Variants in SLC2A9 observed in about 807,000 individuals in gnomAD.
The protein encoded by SLC2A9 is solute carrier family 2 member 9.
SLC2A9 carries 39 observed loss-of-function variants against 50.6 expected under a neutral mutation model. The ratio of observed to expected loss-of-function variants is 0.77; its 90% CI spans 0.60 to 1.01. The LOEUF (loss-of-function observed/expected upper bound fraction) is 1.01. SLC2A9 is among the 50% of genes least tolerant of loss of function. The pLI is 0.00. For synonymous variants in SLC2A9, 324 were observed against 276.9 expected (o/e 1.17, Z -1.69); for missense variants, 686 against 677.6 (o/e 1.01, Z -0.14).
At chr4:9,987,766 T>G (rs1756987463) in intron 3 of SLC2A9, among the ~76,000 whole-genome samples, 1 of 151,936 alleles carries the variant, frequency 6.6e-6, no homozygotes, top group South Asian at 2.1e-4. Flanking sequence ...AGGCAGAGAT[T>G]GCAGTGAGCC....
intron 5 of SLC2A9, among the ~76,000 whole-genome samples, chr4:9,960,719 G>T (rs984393400): frequency 1.3e-5 from 2 of 152,180 alleles, no homozygotes; most frequent in African/African-American, 4.8e-5. Flanking sequence ...TTTCTTGAAG[G>T]CTGAGTGACA....
rs574625444 is a variant in SLC2A9, at chr4:9,788,950, G to T, written n.386-8885C>A. 2.6e-5 allele frequency among the ~76,000 whole-genome samples: 4 copies of T among 152,262 alleles called. No homozygotes were observed. The East Asian group carries it at 5.8e-4, about 22-fold the overall frequency. On this transcript the variant is annotated intron_variant and non_coding_transcript_variant, in intron 3 of 3. Coordinates refer to the SLC2A9 transcript ENST00000503803. ...GAGAAATCAAGATGTGGGCACTAGG[G>T]TGTTTATTGTTGCTGGGGTGACATT...
downstream of SLC2A9, among the ~76,000 whole-genome samples, chr4:9,775,004 G>A (rs1717360622): frequency 6.6e-6 from 1 of 152,122 alleles, no homozygotes; most frequent in South Asian, 2.1e-4. Flanking sequence ...TGACCCTTGT[G>A]AGACATGCTT....
intron 2 of SLC2A9, among the ~76,000 whole-genome samples, chr4:10,004,968 G>A (rs1307419251): frequency 1.3e-5 from 2 of 152,138 alleles, no homozygotes; most frequent in Non-Finnish European, 2.9e-5. Flanking sequence ...GGGATTCCTT[G>A]TTTTACTTTT....
chr4:9,907,675 G>A (rs1740933851), intron 8 of SLC2A9, among the ~76,000 whole-genome samples: 1 of 152,176 alleles, frequency 6.6e-6, no homozygotes, highest in South Asian at 2.1e-4. Flanking sequence ...GGACAATATG[G>A]CCCTGTTTCA....
chr4:9,878,661 T>C (rs1422041168), intron 10 of SLC2A9, among the ~76,000 whole-genome samples: 2 of 152,004 alleles, frequency 1.3e-5, no homozygotes, highest in African/African-American at 2.4e-5. Flanking sequence ...CTTTCCTGAG[T>C]TCTGGGAGTC....
chr4:9,929,278 G>C (rs1745461055), intron 6 of SLC2A9, among the ~76,000 whole-genome samples: 1 of 152,246 alleles, frequency 6.6e-6, no homozygotes, highest in Non-Finnish European at 1.5e-5. Context: ...CAGAGCCTGA[G>C]ACACATGCTG....
chr4:9,981,321 ATAGTGATGGTGTGG>A, intron 4 of SLC2A9, among the ~76,000 whole-genome samples: 1 of 83,822 alleles, frequency 1.2e-5, no homozygotes, highest in Admixed American at 1.2e-4. Context: ...GATGGTGGTG[ATAGTGATGGTGTGG>A]TGGTGGTGGT....
chr4:9,964,177 C>T (rs1004704917), intron 5 of SLC2A9, among the ~76,000 whole-genome samples: 10 of 152,164 alleles, frequency 6.6e-5, no homozygotes, highest in African/African-American at 2.4e-4. Context: ...CCCGGGTATA[C>T]AAAAGAGTCT....
chr4:9,907,504 T>C (rs1740904588), intron 8 of SLC2A9, among the ~76,000 whole-genome samples: 1 of 152,256 alleles, frequency 6.6e-6, no homozygotes, highest in Non-Finnish European at 1.5e-5. Context: ...TATTAAGGTC[T>C]TCCTCTCTAT....
Position 9,808,372 on chromosome 4 carries a change from C to G in SLC2A9, n.421-9131G>C, listed in dbSNP as rs533198909. On this transcript the variant is annotated intron_variant and non_coding_transcript_variant, in intron 3 of 3. Transcript: ENST00000503280. ...TCACTGGAACTTGAAAGTGCGGGTT[C>G]TGCTTTTGGTGTACTCTGCCTGCGT... Among the ~76,000 whole-genome samples, 13 of 152,286 alleles carry G rather than the reference C, an allele frequency of 8.5e-5. No homozygotes were observed. In the East Asian group the frequency reaches 2.1e-3, roughly 25 times the overall value.
In SLC2A9 at chr4:9,879,690, C is replaced by T. The variant is rs944998741; in HGVS notation, c.1291+7877G>A. 10 of 985,316 alleles carry T rather than the reference C, an allele frequency of 1.0e-5. No homozygotes were observed. In the African/African-American group the frequency reaches 1.7e-4, roughly 17 times the overall value. 61.0% of individuals were successfully genotyped at this position (985,316 alleles called of 1,614,324 possible). On this transcript the variant is annotated intron_variant, in intron 10 of 11. Coordinates refer to ENST00000264784, the MANE Select transcript of SLC2A9 (RefSeq NM_020041.3). ...GCTCCATCTTGTTTGCATCTGTCCA[C>T]TCCATTTAAACACAAACTCCCCATA...
intron 10 of SLC2A9, among the ~76,000 whole-genome samples, chr4:9,842,389 T>C (rs948774049): frequency 7.2e-5 from 11 of 152,244 alleles, no homozygotes; most frequent in African/African-American, 2.4e-4. Flanking sequence ...TAAAATTCTG[T>C]GGTTTGCGAC....
rs537748184 is a variant in SLC2A9, at chr4:9,772,781, C to G, written n.182-1412G>C. Among the ~76,000 whole-genome samples, 212 of 152,000 alleles carry G rather than the reference C, an allele frequency of 1.4e-3. 1 individual carries two copies. The highest frequency in any genetic ancestry group is 2.8e-3 in the Non-Finnish European group (187 of 67,992). ...ACAGCATCTCATTTACCCATGATAT[C>G]TCTTCATAGTAAGCATTAGGGATGC... On this transcript the variant is annotated intron_variant and non_coding_transcript_variant, in intron 1 of 1. Coordinates refer to the SLC2A9 transcript ENST00000508585.
At chr4:9,838,110 C>A (rs142833566) in intron 10 of SLC2A9, among the ~76,000 whole-genome samples, 6 of 152,244 alleles carry the variant, frequency 3.9e-5, no homozygotes, top group East Asian at 1.9e-4. Context: ...TAATAATAAT[C>A]AAGACTCCTC....
At chr4:9,918,481 C>T (rs1743313125) in intron 7 of SLC2A9, among the ~76,000 whole-genome samples, 1 of 152,122 alleles carries the variant, frequency 6.6e-6, no homozygotes, top group African/African-American at 2.4e-5. Flanking sequence ...GCCTGAGTGA[C>T]ATGCATGGGG....
intron 3 of SLC2A9, among the ~76,000 whole-genome samples, chr4:9,799,451 C>T (rs1210897317): frequency 6.6e-6 from 1 of 152,074 alleles, no homozygotes; most frequent in African/African-American, 2.4e-5. Flanking sequence ...AGTTCATCTT[C>T]ATCTCTTTTA....
At chr4:9,776,185 TTC>T (rs1227910612), downstream of SLC2A9, among the ~76,000 whole-genome samples, 7 of 141,000 alleles carry the variant, frequency 5.0e-5, no homozygotes, top group African/African-American at 1.6e-4. Context: ...AAGTCTTTCT[TTC>T]TTTTTTTTTT....
intron 5 of SLC2A9, among the ~76,000 whole-genome samples, chr4:9,970,342 T>C (rs2109003062): frequency 6.6e-6 from 1 of 151,542 alleles, no homozygotes; most frequent in Non-Finnish European, 1.5e-5. Context: ...CAGTCACAGG[T>C]TGAGAGAAGG....
Sources: allele counts gnomAD v4.1 joint callset (sites outside exome capture counted in the v4.1 genomes callset), GRCh38; gene constraint gnomAD v4.1.1; transcripts MANE v1.5; gene names NCBI Gene and HGNC (gene_info 2026-07-23, HGNC 2026-07-21).